RHOBTB1: variants seen among roughly 807,000 people sequenced by gnomAD.
The protein encoded by RHOBTB1 is Rho related BTB domain containing 1, also known as rho-related BTB domain-containing protein 1.
A neutral mutation model predicts 71.6 loss-of-function variants in RHOBTB1; 40 were observed. The ratio of observed to expected loss-of-function variants is 0.56; its 90% confidence interval spans 0.43 to 0.73. The LOEUF (loss-of-function observed/expected upper bound fraction) is 0.73, where lower values mean the gene tolerates loss of function less well. Among genes scored for constraint, RHOBTB1 ranks in the 30% least tolerant of loss-of-function variants. The pLI, the probability that RHOBTB1 is intolerant of heterozygous loss-of-function variation, is 0.00. For missense variants in RHOBTB1, 797 were observed against 894.0 expected, an observed-to-expected ratio of 0.89 and a Z score of 1.38; for synonymous variants, 319 against 334.9, an observed-to-expected ratio of 0.95 and a Z score of 0.52.
At chr10:60,883,367 T>G (rs950483699) in intron 7 of RHOBTB1, among the ~76,000 whole-genome samples, 1 of 152,208 alleles carries the variant, frequency 6.6e-6, no homozygotes, top group African/African-American at 2.4e-5. Flanking sequence ...AGTTTTTGTT[T>G]TGGTCACCTC....
chr10:60,999,012 C>T (rs551286657), intron 1 of RHOBTB1, among the ~76,000 whole-genome samples: 1 of 152,174 alleles, frequency 6.6e-6, no homozygotes, highest in Non-Finnish European at 1.5e-5. Context: ...CAGATTATTA[C>T]AAGAATTTAA....
At chr10:60,903,685 CCTGGGTCAGACTATGAGCCA>C (rs1403953445) in intron 4 of RHOBTB1, among the ~76,000 whole-genome samples, 2 of 88,020 alleles carry the variant, frequency 2.3e-5, no homozygotes, top group African/African-American at 5.6e-5. Flanking sequence ...ACTATGGGCC[CCTGGGTCAGACTATGAGCCA>C]CTGAGGCAGG....
intron 2 of RHOBTB1, among the ~76,000 whole-genome samples, chr10:60,984,264 G>C (rs1452984065): frequency 6.6e-6 from 1 of 152,176 alleles, no homozygotes; most frequent in Non-Finnish European, 1.5e-5. Context: ...AAACATTAGA[G>C]ATTGGAAGTC....
chr10:60,891,672 T>G (rs185638104), intron 5 of RHOBTB1, among the ~76,000 whole-genome samples: 1 of 152,112 alleles, frequency 6.6e-6, no homozygotes, highest in Non-Finnish European at 1.5e-5. Flanking sequence ...AATATCAAAA[T>G]TTTTTGAAAA....
At chr10:60,879,342 T>G (rs1265356338) in intron 7 of RHOBTB1, among the ~76,000 whole-genome samples, 11 of 152,092 alleles carry the variant, frequency 7.2e-5, no homozygotes, top group Admixed American at 7.2e-4. Flanking sequence ...TTCTTTTTCT[T>G]TCTTTTTTAT....
chr10:60,993,929 T>C (rs2086955547), intron 1 of RHOBTB1, among the ~76,000 whole-genome samples: 1 of 152,162 alleles, frequency 6.6e-6, no homozygotes, highest in African/African-American at 2.4e-5. Context: ...TCTTAATATT[T>C]GTATATACAC....
At chr10:60,929,386 A>G (rs748832680) in intron 2 of RHOBTB1, among the ~76,000 whole-genome samples, 3 of 152,210 alleles carry the variant, frequency 2.0e-5, no homozygotes, top group Non-Finnish European at 4.4e-5. Flanking sequence ...CCAAATTGAT[A>G]TTTATACGAA....
At chr10:60,939,796 G>A (rs1266300998) in intron 2 of RHOBTB1, among the ~76,000 whole-genome samples, 1 of 152,100 alleles carries the variant, frequency 6.6e-6, no homozygotes, top group Non-Finnish European at 1.5e-5. Flanking sequence ...AATGTTTCCA[G>A]CCATTTTTAA....
Position 60,944,099 on chromosome 10 carries a change from G to T in RHOBTB1, c.-190C>A, listed in dbSNP as rs1159292229. 4 of 151,604 alleles carry T rather than the reference G, an allele frequency of 2.6e-5. No individual in the cohort carries two copies. The highest frequency in any genetic ancestry group is 9.7e-5 in the African/African-American group (4 of 41,342). 9.4% of individuals were successfully genotyped at this position (151,604 alleles called of 1,614,324 possible). On this transcript the variant is annotated 5_prime_UTR_variant, in exon 1 of 11. Transcript: ENST00000337910. Reference sequence around the variant, plus strand: ...TGTGCGGGGCCCCTGCGCGCGGCGCGCCGCCCGCCGCCCAACTTTGCACAA... The same window carrying T: ...TGTGCGGGGCCCCTGCGCGCGGCGCTCCGCCCGCCGCCCAACTTTGCACAA...
Position 60,926,730 on chromosome 10 carries a change from CAACACA to C in RHOBTB1, c.-11+15068_-11+15073del, listed in dbSNP as rs748744650. On this transcript the variant is annotated intron_variant, in intron 2 of 10. Coordinates refer to ENST00000337910, the MANE Select transcript of RHOBTB1 (RefSeq NM_014836.5). ...ACCTGGGTATGGAAGGAACATATCTCAACACAATAAAAGCAATATACAACAGACTGG... is the reference window on the plus strand; with the variant it reads ...ACCTGGGTATGGAAGGAACATATCTCATAAAAGCAATATACAACAGACTGG... 5.1e-4 allele frequency among the ~76,000 whole-genome samples: 78 copies of C among 152,270 alleles called. 1 individual carries two copies. Among genetic ancestry groups the C allele is most frequent in the South Asian group, 1.4e-3 (7 of 4,828 alleles).
At chr10:60,973,890 A>G (rs1178009955) in intron 2 of RHOBTB1, among the ~76,000 whole-genome samples, 1 of 152,060 alleles carries the variant, frequency 6.6e-6, no homozygotes, top group Non-Finnish European at 1.5e-5. Flanking sequence ...ATCTTTGACG[A>G]TGATCTTTTC....
chr10:60,974,277 G>C (rs768568629), intron 2 of RHOBTB1, among the ~76,000 whole-genome samples: 5 of 151,882 alleles, frequency 3.3e-5, no homozygotes, highest in African/African-American at 1.2e-4. Flanking sequence ...TTGACAAAAC[G>C]TAATAATGGA....
intron 2 of RHOBTB1, among the ~76,000 whole-genome samples, chr10:60,938,816 T>TA (rs1023956294): frequency 2.0e-5 from 3 of 152,116 alleles, no homozygotes; most frequent in African/African-American, 7.2e-5. Flanking sequence ...AGTAGTTCTT[T>TA]AAAATCTCTG....
chr10:60,896,190 G>C (rs77205222), intron 4 of RHOBTB1, among the ~76,000 whole-genome samples: 2 of 152,330 alleles, frequency 1.3e-5, no homozygotes, highest in East Asian at 3.9e-4. Context: ...TGTGGAGACT[G>C]TTCAATGTCT....
At chr10:60,984,826 T>A (rs577728321) in intron 2 of RHOBTB1, among the ~76,000 whole-genome samples, 1 of 152,300 alleles carries the variant, frequency 6.6e-6, no homozygotes, top group Admixed American at 6.5e-5. Context: ...TTATTTTCAG[T>A]CTTATGTACA....
At chr10:60,946,919 T>C (rs939368916), upstream of RHOBTB1, among the ~76,000 whole-genome samples, 10 of 152,116 alleles carry the variant, frequency 6.6e-5, no homozygotes, top group Admixed American at 5.2e-4. Flanking sequence ...TTCAAGAAAA[T>C]AAGTTGGTAT....
At chr10:60,914,714 G>C (rs1169577375) in intron 2 of RHOBTB1, among the ~76,000 whole-genome samples, 1 of 152,134 alleles carries the variant, frequency 6.6e-6, no homozygotes, top group African/African-American at 2.4e-5. Flanking sequence ...AGTAACAGGA[G>C]CCCTTCTAGT....
chr10:60,976,121 C>A (rs1333344629), intron 2 of RHOBTB1, among the ~76,000 whole-genome samples: 1 of 151,762 alleles, frequency 6.6e-6, no homozygotes, highest in African/African-American at 2.4e-5. Flanking sequence ...ATAATAAATG[C>A]CATCGAAAAA....
intron 2 of RHOBTB1, among the ~76,000 whole-genome samples, chr10:60,961,087 A>G (rs2085760903): frequency 6.6e-6 from 1 of 152,036 alleles, no homozygotes; most frequent in Non-Finnish European, 1.5e-5. Context: ...ACCAAAGGAA[A>G]GGGGTGTGGG....
Sources: gnomAD v4.1 joint callset for allele counts (sites outside exome capture counted in the v4.1 genomes callset) on GRCh38, gnomAD v4.1.1 for gene constraint, MANE v1.5 for transcripts, NCBI Gene and HGNC (gene_info 2026-07-23, HGNC 2026-07-21) for gene names.